Variants in ASXL1 observed in about 807,000 individuals in gnomAD.
ASXL1 encodes the protein polycomb group protein ASXL1.
Under a neutral mutation model 89.1 loss-of-function variants are expected in ASXL1, and 65 were observed. The observed-to-expected ratio is 0.73, with a 90% CI of 0.60 to 0.90. ASXL1 has a LOEUF of 0.90. ASXL1 is among the 40% of genes least tolerant of loss of function. ASXL1 has a pLI of 0.00. For missense variants in ASXL1, 1,786 were observed against 1,942.9 expected (o/e 0.92, Z 1.52); for synonymous variants, 739 against 746.9 (o/e 0.99, Z 0.17).
At position 32,358,734 on chromosome 20, in the gene ASXL1, C is replaced by CCCCCCG; in HGVS notation, c.-42_-41insCCCCCG. ...CGCCACCGCCCCAGCCCGCCCAGCC[C>CCCCCCG]GGAGGTCCCGCGTGGAGCTGCCGCC... On this transcript the variant is annotated 5_prime_UTR_variant, in exon 1 of 13. Transcript: ENST00000375687. 7.6e-7 allele frequency: 1 copy of CCCCCCG among 1,318,280 alleles called. No homozygotes were observed. The highest frequency in any genetic ancestry group is 1.0e-6 in the Non-Finnish European group (1 of 979,494). 81.7% of individuals were successfully genotyped at this position (1,318,280 alleles called of 1,614,324 possible).
chr20:32,435,829 A>G lies in ASXL1; in HGVS notation c.3117A>G (p.Gln1039=), dbSNP rs746130988. Residue 1039 remains glutamine, a synonymous_variant, in exon 13 of 13, where the codon CAA becomes CAG. Coordinates refer to ENST00000375687, the MANE Select transcript of ASXL1 (RefSeq NM_015338.6). ...VDKDEKPNWN[Q]SAPLSKVNGD... ...AGGATGAGAAACCCAATTGGAACCAATCTGCCCCACTGTCCAAGGTGAATG... is the reference window on the plus strand; with the variant it reads ...AGGATGAGAAACCCAATTGGAACCAGTCTGCCCCACTGTCCAAGGTGAATG... 7 of 1,614,042 alleles carry G rather than the reference A, an allele frequency of 4.3e-6. No homozygotes were observed. Among genetic ancestry groups the G allele is most frequent in the South Asian group, 3.3e-5 (3 of 91,084 alleles).
chr20:32,434,733 A>AC lies in ASXL1; in HGVS notation c.2024dup (p.Glu676Ter), dbSNP rs756191303. ...GGTGATGGTGGTGAGGCCTGTGGCC[A>AC]CCCTGAGCCCAGGGGAGGCCCGAGC... On this transcript the variant is annotated frameshift_variant, in exon 13 of 13. Coordinates refer to ENST00000375687, the MANE Select transcript of ASXL1 (RefSeq NM_015338.6). LOFTEE classifies it low-confidence loss of function (END_TRUNC). 1 of 1,612,522 alleles carries AC rather than the reference A, an allele frequency of 6.2e-7. No individual in the cohort carries two copies. The highest frequency in any genetic ancestry group is 8.5e-7 in the Non-Finnish European group (1 of 1,179,620).
intron 1 of ASXL1, among the ~76,000 whole-genome samples, chr20:32,364,556 A>T (rs548542522): frequency 3.3e-5 from 5 of 152,266 alleles, no homozygotes; most frequent in African/African-American, 1.2e-4. Context: ...ATGAGGTTTC[A>T]CTGTGTTACC....
At chr20:32,363,501 C>G (rs2048156133) in intron 1 of ASXL1, among the ~76,000 whole-genome samples, 1 of 152,208 alleles carries the variant, frequency 6.6e-6, no homozygotes, top group African/African-American at 2.4e-5. Context: ...CAGAATTTTA[C>G]TACAGTCATG....
chr20:32,397,902 G>A lies in ASXL1; in HGVS notation c.252+28779G>A, dbSNP rs547889840. On this transcript the variant is annotated intron_variant, in intron 4 of 12. Coordinates refer to ENST00000375687, the MANE Select transcript of ASXL1 (RefSeq NM_015338.6). The stretch of plus-strand genomic sequence containing the variant: ...CCTGTAATGTCTTTGCATTTCATCA[G>A]TTTTTCCACTGTTATCTTTCTGTTA... 3.2e-4 allele frequency among the ~76,000 whole-genome samples: 49 copies of A among 152,318 alleles called. No individual in the cohort carries two copies. In the East Asian group the frequency reaches 7.7e-3, roughly 24 times the overall value.
intron 1 of ASXL1, among the ~76,000 whole-genome samples, chr20:32,363,606 G>T (rs1243674513): frequency 2.0e-5 from 3 of 152,178 alleles, no homozygotes; most frequent in Non-Finnish European, 4.4e-5. Context: ...CAACTGTCCT[G>T]GTTTGGAAGA....
At position 32,422,648 on chromosome 20, in the gene ASXL1, A is replaced by G. The variant is rs188284578; in HGVS notation, c.253-5480A>G. Among the ~76,000 whole-genome samples the G allele has an allele frequency of 3.3e-3, 458 of 139,508 alleles. 9 individuals are homozygous for G. Among genetic ancestry groups the G allele is most frequent in the African/African-American group, 0.011 (406 of 36,772 alleles). 91.5% of individuals were successfully genotyped at this position (139,508 alleles called of 152,430 possible). On this transcript the variant is annotated intron_variant, in intron 4 of 12. Transcript: ENST00000375687. Reference sequence around the variant, plus strand: ...GTCTCCCAGGCTGGAGTGCAATGGCATGATCTTGGCTCACTGCAACCTTTG... The same window carrying G: ...GTCTCCCAGGCTGGAGTGCAATGGCGTGATCTTGGCTCACTGCAACCTTTG...
intron 4 of ASXL1, among the ~76,000 whole-genome samples, chr20:32,387,400 C>G (rs2048598083): frequency 6.6e-6 from 1 of 152,174 alleles, no homozygotes; most frequent in Admixed American, 6.5e-5. Flanking sequence ...GCCTGCTGAT[C>G]CTTGATTGAG....
chr20:32,359,757 T>C, intron 1 of ASXL1: 1 of 718,136 alleles, frequency 1.4e-6, no homozygotes, highest in East Asian at 2.7e-5. Context: ...ATGGGGGTTG[T>C]GAATTTTGTG....
chr20:32,399,070 C>T (rs567904728), intron 4 of ASXL1, among the ~76,000 whole-genome samples: 1 of 151,990 alleles, frequency 6.6e-6, no homozygotes, highest in South Asian at 2.1e-4. Context: ...ATTAGTCAGG[C>T]ATGGTGGCGG....
At position 32,436,654 on chromosome 20, in the gene ASXL1, T is replaced by G. The variant is rs1380703127; in HGVS notation, c.3942T>G (p.Leu1314=). The change falls in exon 13 of 13, where the codon CTT becomes CTG. Residue 1314 remains leucine (L), a synonymous_variant. Coordinates refer to ENST00000375687, the MANE Select transcript of ASXL1 (RefSeq NM_015338.6). The part of the protein sequence containing the change: ...LFGSGNVAAT[L]QRPRPADPMP... Reference sequence around the variant, plus strand: ...GCTCTGGGAATGTGGCTGCAACCCTTCAGCGCCCCAGGCCTGCGGACCCGA... The same window carrying G: ...GCTCTGGGAATGTGGCTGCAACCCTGCAGCGCCCCAGGCCTGCGGACCCGA... 3.1e-6 allele frequency: 5 copies of G among 1,614,040 alleles called. No homozygotes were observed. Among genetic ancestry groups the G allele is most frequent in the Non-Finnish European group, 2.5e-6 (3 of 1,180,030 alleles).
At chr20:32,399,745 C>CTATTTTTTTTTTTTT (rs1600525633) in intron 4 of ASXL1, among the ~76,000 whole-genome samples, 3 of 66,612 alleles carry the variant, frequency 4.5e-5, no homozygotes, top group South Asian at 5.5e-4. Context: ...ACATATTTTA[C>CTATTTTTTTTTTTTT]TCTTTTTTTT....
intron 4 of ASXL1, among the ~76,000 whole-genome samples, chr20:32,408,451 T>C (rs1004530823): frequency 2.6e-5 from 4 of 152,244 alleles, no homozygotes; most frequent in African/African-American, 7.2e-5. Context: ...TATTTTACTC[T>C]CCTGATTTTA....
chr20:32,435,396 C>A lies in ASXL1; in HGVS notation c.2684C>A (p.Ser895Tyr). 1.2e-6 allele frequency: 2 copies of A among 1,614,168 alleles called. No individual in the cohort carries two copies. The highest frequency in any genetic ancestry group is 1.7e-6 in the Non-Finnish European group (2 of 1,180,024). The change falls in exon 13 of 13, where the codon TCT becomes TAT. Residue 895 changes from serine to tyrosine, a missense_variant. By Grantham distance (144) the Ser-to-Tyr change is moderately radical. Around this residue, in one of 3 missense-constraint regions of ASXL1, gnomAD observed 1,418 missense variants for 1,427.8 expected, o/e 0.99. Coordinates refer to ENST00000375687, the MANE Select transcript of ASXL1 (RefSeq NM_015338.6). ...LKTKALVSNSSLHWIPIPSND... is the reference protein window; with the variant it reads ...LKTKALVSNSYLHWIPIPSND... ...ACCAAGGCTCTCGTTTCTAACAGTT[C>A]TTTGCATTGGATACCCATCCCATCG...
At chr20:32,434,395 A>G (rs781288285) in intron 12 of ASXL1, 37 bp from the exon 13 acceptor site, 7 of 1,611,718 alleles carry the variant, frequency 4.3e-6, no homozygotes, top group Non-Finnish European at 5.9e-6. Flanking sequence ...CAGATCACCC[A>G]GTCAGTTAAA....
chr20:32,367,784 T>G (rs2048231503), intron 3 of ASXL1, 55 bp downstream of exon 3: 2 of 780,162 alleles, frequency 2.6e-6, no homozygotes, highest in Admixed American at 1.7e-5. Context: ...TGTTTCTGCT[T>G]CTTGTTCTTA....
At chr20:32,362,972 C>G (rs2048145544) in intron 1 of ASXL1, among the ~76,000 whole-genome samples, 1 of 152,000 alleles carries the variant, frequency 6.6e-6, no homozygotes, top group African/African-American at 2.4e-5. Flanking sequence ...TTATCTTTTA[C>G]TTTGATTCAT....
intron 4 of ASXL1, among the ~76,000 whole-genome samples, chr20:32,381,634 C>T (rs572556426): frequency 6.6e-6 from 1 of 151,734 alleles, no homozygotes; most frequent in South Asian, 2.1e-4. Flanking sequence ...CCTGCCTCAG[C>T]CTCCTGAGTA....
At chr20:32,375,916 G>A (rs544256639) in intron 4 of ASXL1, among the ~76,000 whole-genome samples, 20 of 152,054 alleles carry the variant, frequency 1.3e-4, no homozygotes, top group African/African-American at 4.6e-4. Context: ...TCCTGGACTC[G>A]AAGCAATCCT....
Sources: allele counts gnomAD v4.1 joint callset (sites outside exome capture counted in the v4.1 genomes callset), GRCh38; gene constraint gnomAD v4.1.1; regional missense constraint gnomAD v4.1.1; transcripts MANE v1.5; gene names NCBI Gene and HGNC (gene_info 2026-07-23, HGNC 2026-07-21).